The following EYA4 variants were observed in gnomAD, a reference collection of about 807,000 sequenced individuals.
EYA4 encodes protein phosphatase EYA4.
Under a neutral mutation model 87.9 loss-of-function variants are expected in EYA4, and 31 were observed. That is an observed-to-expected ratio of 0.35 (90% confidence interval 0.27 to 0.48). EYA4 has a LOEUF of 0.48. Ranked by LOEUF, EYA4 falls within the 20% of genes least tolerant of loss-of-function variation. The pLI, the probability that EYA4 is intolerant of heterozygous loss-of-function variation, is 0.99. For synonymous variants in EYA4, 263 were observed against 270.6 expected, an observed-to-expected ratio of 0.97 and a Z score of 0.28; for missense variants, 678 against 761.4, an observed-to-expected ratio of 0.89 and a Z score of 1.29.
intron 2 of EYA4, among the ~76,000 whole-genome samples, chr6:133,322,087 C>T (rs888896198): frequency 6.6e-6 from 1 of 152,146 alleles, no homozygotes; most frequent in Non-Finnish European, 1.5e-5. Flanking sequence ...TCAAATGTGT[C>T]ATCTTGTTTG....
chr6:133,446,288 GATT>G (rs1234751615), intron 3 of EYA4, among the ~76,000 whole-genome samples: 1 of 151,958 alleles, frequency 6.6e-6, no homozygotes, highest in East Asian at 1.9e-4. Context: ...ATAGTCATAG[GATT>G]ATTTTTTGTT....
At chr6:133,519,225 A>G (rs1466071778) in intron 17 of EYA4, among the ~76,000 whole-genome samples, 1 of 150,602 alleles carries the variant, frequency 6.6e-6, no homozygotes, top group Non-Finnish European at 1.5e-5. Flanking sequence ...TTTTGAAAGG[A>G]TCAACAAAAT....
intron 3 of EYA4, among the ~76,000 whole-genome samples, chr6:133,413,718 G>T (rs1789454170): frequency 6.6e-6 from 1 of 152,082 alleles, no homozygotes; most frequent in Non-Finnish European, 1.5e-5. Context: ...CCCAGTATAT[G>T]CTGGTGAATC....
At chr6:133,288,785 G>C (rs1232904342) in intron 2 of EYA4, among the ~76,000 whole-genome samples, 3 of 152,126 alleles carry the variant, frequency 2.0e-5, no homozygotes, top group Non-Finnish European at 4.4e-5. Flanking sequence ...ATGAGAACCA[G>C]TAGGATAATA....
chr6:133,383,138 A>G (rs1031714408), intron 3 of EYA4, among the ~76,000 whole-genome samples: 4 of 152,224 alleles, frequency 2.6e-5, no homozygotes, highest in Non-Finnish European at 4.4e-5. Flanking sequence ...GCTATGAGTG[A>G]TATGACTTAA....
chr6:133,392,686 AT>A lies in EYA4; in HGVS notation c.83+10246del, dbSNP rs1787405562. On this transcript the variant is annotated intron_variant, in intron 3 of 19. Coordinates refer to ENST00000355286, the MANE Select transcript of EYA4 (RefSeq NM_004100.5). ...TTGATTTAAGAACAAATACATGCAT[AT>A]AAAGCCTGAAATAATAGATTTGGCT... Among the ~76,000 whole-genome samples, 5 of 152,234 alleles carry A rather than the reference AT, an allele frequency of 3.3e-5. No individual in the cohort carries two copies. In the South Asian group the frequency reaches 1.0e-3, roughly 32 times the overall value.
At position 133,461,166 on chromosome 6, in the gene EYA4, G is replaced by A; in HGVS notation, c.423G>A (p.Gln141=). The A allele has an allele frequency of 6.2e-7, 1 of 1,612,436 alleles. No homozygotes were observed. Among genetic ancestry groups the A allele is most frequent in the Non-Finnish European group, 8.5e-7 (1 of 1,178,580 alleles). Residue 141 remains glutamine (Q), a synonymous_variant, in exon 7 of 20, where the codon CAG becomes CAA. Coordinates refer to ENST00000355286, the MANE Select transcript of EYA4 (RefSeq NM_004100.5). ...GATCAGCACATCAGTATTCCCCACA[G>A]CTGTATCCTTCCAAGTAAGTGGTCA... The part of the protein sequence containing the change: ...SPRSAHQYSP[Q]LYPSKPYPHI...
chr6:133,344,196 G>A (rs1183391447), intron 2 of EYA4, among the ~76,000 whole-genome samples: 1 of 152,184 alleles, frequency 6.6e-6, no homozygotes, highest in Non-Finnish European at 1.5e-5. Context: ...CATTGGACTG[G>A]AAGAGATCGG....
chr6:133,396,841 A>G (rs954231643), intron 3 of EYA4, among the ~76,000 whole-genome samples: 1 of 152,182 alleles, frequency 6.6e-6, no homozygotes, highest in African/African-American at 2.4e-5. Flanking sequence ...CACATGACAC[A>G]ACTATCCAAC....
At chr6:133,451,480 T>C (rs764604461) in intron 5 of EYA4, among the ~76,000 whole-genome samples, 2 of 152,300 alleles carry the variant, frequency 1.3e-5, no homozygotes, top group Admixed American at 1.3e-4. Flanking sequence ...GAACTACACT[T>C]CATATACAAA....
intron 11 of EYA4, among the ~76,000 whole-genome samples, chr6:133,469,708 T>C (rs1292979685): frequency 1.3e-5 from 2 of 151,952 alleles, no homozygotes; most frequent in Admixed American, 1.3e-4. Context: ...ATTGTAAGCC[T>C]ACATCTAAAA....
At chr6:133,528,678 A>T (rs1032807904) in intron 19 of EYA4, 47 bp from the exon 20 acceptor site, 41 of 1,258,148 alleles carry the variant, frequency 3.3e-5, no homozygotes, top group East Asian at 4.6e-5. Flanking sequence ...TCCATGCCTC[A>T]TTCCTTCCCC....
intron 2 of EYA4, among the ~76,000 whole-genome samples, chr6:133,356,827 G>A (rs1291853409): frequency 6.7e-6 from 1 of 149,524 alleles, no homozygotes; most frequent in Non-Finnish European, 1.5e-5. Flanking sequence ...TTTTGAGACG[G>A]ATTCTCACTC....
rs10457605 is a variant in EYA4 at position 133,280,549 on chromosome 6, A to G, written c.33+5736A>G. On this transcript the variant is annotated intron_variant, in intron 2 of 19. Coordinates refer to ENST00000355286, the MANE Select transcript of EYA4 (RefSeq NM_004100.5). Reference sequence around the variant, plus strand: ...GTAGCTGGGACTACAGGCATGTGCCACGGCGCCCAGATAATTTTTTGTATT... The same window carrying G: ...GTAGCTGGGACTACAGGCATGTGCCGCGGCGCCCAGATAATTTTTTGTATT... Among the ~76,000 whole-genome samples, 1,333 of 152,178 alleles carry G rather than the reference A, an allele frequency of 8.8e-3. 10 individuals carry two copies. Among genetic ancestry groups the G allele is most frequent in the South Asian group, 0.02 (95 of 4,806 alleles).
chr6:133,404,274 T>A (rs1220962023), intron 3 of EYA4, among the ~76,000 whole-genome samples: 2 of 152,322 alleles, frequency 1.3e-5, no homozygotes, highest in Middle Eastern at 3.4e-3. Context: ...AATGTGGATG[T>A]TACTCAGTGA....
At chr6:133,327,109 A>T (rs577631361) in intron 2 of EYA4, among the ~76,000 whole-genome samples, 38 of 152,226 alleles carry the variant, frequency 2.5e-4, no homozygotes, top group Non-Finnish European at 4.6e-4. Flanking sequence ...GTTAAATTAC[A>T]AATAAATCTT....
At chr6:133,448,492 C>G (rs1029683243) in intron 5 of EYA4, among the ~76,000 whole-genome samples, 1 of 152,146 alleles carries the variant, frequency 6.6e-6, no homozygotes, top group Non-Finnish European at 1.5e-5. Context: ...TGCCCAACAA[C>G]TGCCATGTCA....
rs145707929 is a variant in EYA4, at chr6:133,362,441, G to A, written c.34-19951G>A. 5.7e-4 allele frequency among the ~76,000 whole-genome samples: 87 copies of A among 152,138 alleles called. 1 individual carries two copies. The highest frequency in any genetic ancestry group is 2.1e-3 in the Admixed American group (32 of 15,298). On this transcript the variant is annotated intron_variant, in intron 2 of 19. Coordinates refer to ENST00000355286, the MANE Select transcript of EYA4 (RefSeq NM_004100.5). ...AATGAAATCTAGACAAATTCTTACCGTCACCCCTGTTGCCTCGCAAAACTC... is the reference window on the plus strand; with the variant it reads ...AATGAAATCTAGACAAATTCTTACCATCACCCCTGTTGCCTCGCAAAACTC...
chr6:133,381,488 A>G (rs1357955117), intron 2 of EYA4, among the ~76,000 whole-genome samples: 1 of 152,102 alleles, frequency 6.6e-6, no homozygotes, highest in Non-Finnish European at 1.5e-5. Context: ...CATGGTATAT[A>G]TTCAGTAGAA....
Sources: gnomAD v4.1 joint callset for allele counts (sites outside exome capture counted in the v4.1 genomes callset) on GRCh38, gnomAD v4.1.1 for gene constraint, MANE v1.5 for transcripts, NCBI Gene and HGNC (gene_info 2026-07-23, HGNC 2026-07-21) for gene names.